Variants in RSRP1 observed in about 807,000 individuals in gnomAD.
The protein encoded by RSRP1 is arginine/serine-rich protein 1.
In RSRP1, 37 loss-of-function variants were observed where a neutral mutation model predicts 33.0. The observed-to-expected ratio is 1.12, with a 90% CI of 0.86 to 1.48. The LOEUF is 1.48. Among genes scored for constraint, RSRP1 ranks in the 40% most tolerant of loss-of-function variants. The probability of loss-of-function intolerance (pLI) is 0.00; values close to 1 mark genes in which losing one functional copy is unlikely to be tolerated. For missense variants in RSRP1, 402 were observed against 385.3 expected (o/e 1.04, Z -0.36); for synonymous variants, 167 against 158.7 (o/e 1.05, Z -0.40).
chr1:25,246,611 C>A lies in RSRP1; in HGVS notation c.353G>T (p.Arg118Met). 2 of 1,614,096 alleles carry A rather than the reference C, an allele frequency of 1.2e-6. No individual in the cohort carries two copies. Among genetic ancestry groups the A allele is most frequent in the Non-Finnish European group, 1.7e-6 (2 of 1,180,024 alleles). The change falls in exon 2 of 5, where the codon AGG (arginine) becomes ATG (methionine). Residue 118 changes from arginine (R) to methionine (M), a missense_variant. Arg to Met is a moderately conservative substitution (Grantham distance 91, BLOSUM62 -1). Coordinates refer to ENST00000243189, the MANE Select transcript of RSRP1 (RefSeq NM_020317.5). ...GTACGACCTTCCCCGAGAGCGCGAC[C>A]TGCTACGGGACCGGGACCGGTACCG... The part of the protein sequence containing the change: ...PSRYRSRSRS[R>M]SRSRGRSYCG...
intron 1 of RSRP1, among the ~76,000 whole-genome samples, chr1:25,264,006 C>A (rs1392133437): frequency 6.6e-6 from 1 of 152,102 alleles, no homozygotes; most frequent in African/African-American, 2.4e-5. Flanking sequence ...CATCTCACAT[C>A]CAGGTCACGC....
intron 1 of RSRP1, among the ~76,000 whole-genome samples, chr1:25,274,330 T>C (rs1345990093): frequency 1.5e-5 from 2 of 132,376 alleles, no homozygotes; most frequent in African/African-American, 5.2e-5. Context: ...CACTTAACCA[T>C]TATGCATCAT....
At chr1:25,286,312 G>A (rs1460245826) in intron 1 of RSRP1, among the ~76,000 whole-genome samples, 2 of 135,340 alleles carry the variant, frequency 1.5e-5, no homozygotes, top group African/African-American at 5.1e-5. Context: ...AACACAGTGA[G>A]ATCCTGTCTC....
chr1:25,280,498 G>A (rs199501691), intron 1 of RSRP1, among the ~76,000 whole-genome samples: 5 of 127,748 alleles, frequency 3.9e-5, no homozygotes, highest in African/African-American at 1.3e-4. Flanking sequence ...TAGAGACGGG[G>A]TTTCACCATG....
At chr1:25,311,503 C>T (rs1179554306) in intron 1 of RSRP1, among the ~76,000 whole-genome samples, 10 of 126,816 alleles carry the variant, frequency 7.9e-5, no homozygotes, top group Middle Eastern at 8.4e-3. Flanking sequence ...CCAGCCTGGG[C>T]GACAGAGCAA....
At chr1:25,313,719 G>A (rs1644284863) in intron 1 of RSRP1, among the ~76,000 whole-genome samples, 1 of 132,192 alleles carries the variant, frequency 7.6e-6, no homozygotes. Flanking sequence ...AAAAAGAGTG[G>A]TGGGAGAGTA....
At chr1:25,283,455 C>G (rs1369046397) in intron 1 of RSRP1, among the ~76,000 whole-genome samples, 1 of 130,780 alleles carries the variant, frequency 7.6e-6, no homozygotes. Context: ...CACTTGAACC[C>G]AGGAGGCAGA....
At chr1:25,264,250 T>C (rs1263225019) in intron 1 of RSRP1, among the ~76,000 whole-genome samples, 2 of 152,026 alleles carry the variant, frequency 1.3e-5, no homozygotes, top group Non-Finnish European at 2.9e-5. Flanking sequence ...TGACCCCACA[T>C]TTCCCTTCTG....
chr1:25,334,765 G>C (rs1405994239), intron 1 of RSRP1, among the ~76,000 whole-genome samples: 1 of 133,380 alleles, frequency 7.5e-6, no homozygotes, highest in African/African-American at 2.6e-5. Flanking sequence ...CTTGGGGCTT[G>C]CACTCCCCGA....
chr1:25,258,760 C>G (rs771143818), intron 1 of RSRP1, among the ~76,000 whole-genome samples: 28 of 152,096 alleles, frequency 1.8e-4, no homozygotes, highest in Non-Finnish European at 3.5e-4. Context: ...AATTATCTTT[C>G]TTTCTGGAAC....
chr1:25,269,350 C>T (rs1458025337), intron 1 of RSRP1, among the ~76,000 whole-genome samples: 2 of 132,774 alleles, frequency 1.5e-5, no homozygotes, highest in African/African-American at 2.6e-5. Context: ...GTGTTGCTTT[C>T]GCGCCATCAT....
Position 25,330,005 on chromosome 1 carries a change from T to G in RSRP1, c.-67+7973A>C, listed in dbSNP as rs1437556820. On this transcript the variant is annotated intron_variant, in intron 1 of 1. Coordinates refer to the RSRP1 transcript ENST00000561867. ...TGGTGTTTTGAAGAATTAACAGCTT[T>G]GTGAACGTGGCAGTGCTTGTGATTC... is the stretch of plus-strand genomic sequence containing the variant. 2.3e-5 allele frequency: 3 copies of G among 132,490 alleles called. 1 individual carries two copies. Among genetic ancestry groups the G allele is most frequent in the Non-Finnish European group, 5.4e-5 (3 of 55,884 alleles). The allele number at this position is 132,490 out of a possible 1,614,324, so 8.2% of individuals were successfully genotyped here.
rs1250618986 is a variant in RSRP1, at chr1:25,322,344, T to C, written c.-67+15634A>G. On this transcript the variant is annotated intron_variant, in intron 1 of 1. Transcript: ENST00000561867. ...AAGCCTTGGAGTCCAACCCCTTTTT[T>C]GACAGATGCTAAGAGTGGAGACATG... Among the ~76,000 whole-genome samples, 7 of 132,700 alleles carry C rather than the reference T, an allele frequency of 5.3e-5. 3 individuals carry two copies. The highest frequency in any genetic ancestry group is 1.3e-4 in the Non-Finnish European group (7 of 55,840). The allele number at this position is 132,700 out of a possible 152,430, so 87.1% of individuals were successfully genotyped here. A position where few individuals can be genotyped will look rare whatever the true frequency, so the allele number is the denominator to read the frequency against.
intron 1 of RSRP1, chr1:25,307,844 G>A (rs1323770789): frequency 7.7e-7 from 1 of 1,297,098 alleles, no homozygotes; most frequent in African/African-American, 1.5e-5. Context: ...GGGATGAGGA[G>A]GGGATGAGCT....
intron 1 of RSRP1, among the ~76,000 whole-genome samples, chr1:25,285,210 C>T (rs1362521705): frequency 7.6e-6 from 1 of 132,060 alleles, no homozygotes; most frequent in Non-Finnish European, 1.8e-5. Flanking sequence ...TCTCGGCACA[C>T]CACAACCTCA....
intron 2 of RSRP1, among the ~76,000 whole-genome samples, chr1:25,245,609 AC>A: frequency 6.6e-6 from 1 of 152,336 alleles, no homozygotes; most frequent in East Asian, 1.9e-4. Context: ...GAACAGAGGG[AC>A]AACTGTGTAA....
intron 1 of RSRP1, among the ~76,000 whole-genome samples, chr1:25,274,709 A>T (rs907028531): frequency 7.5e-6 from 1 of 133,830 alleles, no homozygotes; most frequent in Non-Finnish European, 1.8e-5. Context: ...CCTGGAGCCT[A>T]AAAGGGGAAA....
chr1:25,245,312 A>AG lies in RSRP1; in HGVS notation c.521-12_521-11insC. 10 of 1,603,144 alleles carry AG rather than the reference A, an allele frequency of 6.2e-6. No homozygotes were observed. Among genetic ancestry groups the AG allele is most frequent in the South Asian group, 5.6e-5 (5 of 89,190 alleles). On this transcript the variant is annotated splice_polypyrimidine_tract_variant and intron_variant, in intron 2 of 4. Transcript: ENST00000243189. ...ACAGCTCCATTCGATCTAAAAAAAA[A>AG]AGAGAGAGATTTTAAAATACTCATT...
rs55812618 is a variant in RSRP1 at position 25,272,840 on chromosome 1, C to T, written c.-66-25811G>A. The T allele has an allele frequency of 0.013, 13,566 of 1,062,088 alleles. 2,504 individuals are homozygous for T. The African/African-American group carries it at 0.18, about 14-fold the overall frequency. The allele number at this position is 1,062,088 out of a possible 1,614,324, so 65.8% of individuals were successfully genotyped here. A position where few individuals can be genotyped will look rare whatever the true frequency, so the allele number is the denominator to read the frequency against. On this transcript the variant is annotated intron_variant, in intron 1 of 1. Coordinates refer to the RSRP1 transcript ENST00000561867. ...CCCCATCTTCTTCCGTAGATTGCACCGAAATTCAGCCAACAATGTAAGCTT... is the reference window on the plus strand; with the variant it reads ...CCCCATCTTCTTCCGTAGATTGCACTGAAATTCAGCCAACAATGTAAGCTT...
Sources: allele counts gnomAD v4.1 joint callset (sites outside exome capture counted in the v4.1 genomes callset), GRCh38; gene constraint gnomAD v4.1.1; transcripts MANE v1.5; gene names NCBI Gene and HGNC (gene_info 2026-07-23, HGNC 2026-07-21).